Variants in SFXN1 observed in about 807,000 individuals in gnomAD.
The protein encoded by SFXN1 is sideroflexin 1, also known as sideroflexin-1.
SFXN1 carries 32 observed loss-of-function variants against 39.5 expected under a neutral mutation model. The observed-to-expected ratio is 0.81, with a 90% confidence interval of 0.61 to 1.09. The LOEUF (loss-of-function observed/expected upper bound fraction) is 1.09, where lower values mean the gene tolerates loss of function less well. SFXN1 is among the 50% of genes least tolerant of loss of function. The pLI is 0.00. For missense variants in SFXN1, 402 were observed against 407.1 expected (o/e 0.99, Z 0.11); for synonymous variants, 136 against 146.5 (o/e 0.93, Z 0.52).
intron 1 of SFXN1, among the ~76,000 whole-genome samples, chr5:175,488,459 C>T (rs1380598824): frequency 3.9e-5 from 6 of 152,264 alleles, no homozygotes; most frequent in Admixed American, 3.3e-4. Context: ...TGCACCACCA[C>T]GCCTGACTAA....
rs1759420330 is a variant in SFXN1, at chr5:175,485,584, A to G, written c.-9-6511A>G. On this transcript the variant is annotated intron_variant, in intron 1 of 10. Coordinates refer to ENST00000321442, the MANE Select transcript of SFXN1 (RefSeq NM_022754.7). ...TCAAGATCCTTAACTTAATCATATCAGCAAAGTCCCTGCACCATGTGAGGT... is the reference window on the plus strand; with the variant it reads ...TCAAGATCCTTAACTTAATCATATCGGCAAAGTCCCTGCACCATGTGAGGT... Among the ~76,000 whole-genome samples, 3 of 152,242 alleles carry G rather than the reference A, an allele frequency of 2.0e-5. No homozygotes were observed. The South Asian group carries it at 6.2e-4, about 31-fold the overall frequency.
chr5:175,488,550 C>T (rs531146550), intron 1 of SFXN1, among the ~76,000 whole-genome samples: 375 of 152,268 alleles, frequency 2.5e-3, no homozygotes, highest in Non-Finnish European at 3.9e-3. Flanking sequence ...CCGCCCGCCT[C>T]GGCCTTCCAA....
At chr5:175,507,404 GAA>G (rs1288516615) in intron 2 of SFXN1, among the ~76,000 whole-genome samples, 2 of 152,208 alleles carry the variant, frequency 1.3e-5, no homozygotes, top group Non-Finnish European at 2.9e-5. Flanking sequence ...AAGACAGAGA[GAA>G]ATGTTTACAG....
chr5:175,484,750 G>A (rs1019083519), intron 1 of SFXN1, among the ~76,000 whole-genome samples: 2 of 152,200 alleles, frequency 1.3e-5, no homozygotes, highest in Non-Finnish European at 2.9e-5. Flanking sequence ...TTTTAGAGAC[G>A]GGTTTTACTA....
chr5:175,507,473 A>C (rs79223948), intron 2 of SFXN1, among the ~76,000 whole-genome samples: 10,190 of 152,298 alleles, frequency 0.067, 463 homozygotes, highest in Admixed American at 0.11. Context: ...TGATGCCTTT[A>C]AGTAAACACA....
chr5:175,512,753 CAGT>C, intron 6 of SFXN1, among the ~76,000 whole-genome samples: 1 of 152,192 alleles, frequency 6.6e-6, no homozygotes, highest in East Asian at 1.9e-4. Flanking sequence ...AATAAATATA[CAGT>C]AGGGCCATGT....
chr5:175,487,608 T>C (rs1759498792), intron 1 of SFXN1, among the ~76,000 whole-genome samples: 1 of 152,170 alleles, frequency 6.6e-6, no homozygotes. Flanking sequence ...AGTCCTTGGA[T>C]CTCTTTATTT....
chr5:175,511,594 T>C, intron 5 of SFXN1, 68 bp downstream of exon 5: 1 of 1,241,482 alleles, frequency 8.1e-7, no homozygotes, highest in East Asian at 2.3e-5. Flanking sequence ...TCTAAATCCC[T>C]CTATTATTTC....
chr5:175,516,634 A>G lies in SFXN1; in HGVS notation c.745A>G (p.Asn249Asp). 1 of 1,613,342 alleles carries G rather than the reference A, an allele frequency of 6.2e-7. No individual in the cohort carries two copies. The highest frequency in any genetic ancestry group is 8.5e-7 in the Non-Finnish European group (1 of 1,179,740). Residue 249 changes from asparagine to aspartate, a missense_variant, in exon 8 of 11, where the codon AAC (asparagine) becomes GAC (aspartate). Physicochemically the swap from Asn to Asp is conservative, Grantham distance 23. Coordinates refer to ENST00000321442, the MANE Select transcript of SFXN1 (RefSeq NM_022754.7). ...TCCAGCCATCCCTCCATTCATTATGAACACTTTGGAAAAGAAAGCCTTTTT... is the reference window on the plus strand; with the variant it reads ...TCCAGCCATCCCTCCATTCATTATGGACACTTTGGAAAAGAAAGCCTTTTT... The part of the protein sequence containing the change: ...PGMAIPPFIM[N>D]TLEKKAFLKR...
At chr5:175,479,876 CTTT>C (rs987432801) in intron 1 of SFXN1, among the ~76,000 whole-genome samples, 1 of 152,212 alleles carries the variant, frequency 6.6e-6, no homozygotes, top group African/African-American at 2.4e-5. Flanking sequence ...ATTCTCCCTT[CTTT>C]GTCCATCCCC....
At chr5:175,512,019 C>G in intron 5 of SFXN1, 92 bp from the exon 6 acceptor site, 1 of 1,190,560 alleles carries the variant, frequency 8.4e-7, no homozygotes, top group Non-Finnish European at 1.2e-6. Context: ...TGGGACTCTG[C>G]ATTTTTCAGA....
At chr5:175,500,673 A>C in intron 2 of SFXN1, among the ~76,000 whole-genome samples, 1 of 152,192 alleles carries the variant, frequency 6.6e-6, no homozygotes, top group South Asian at 2.1e-4. Context: ...TATTGGAAAC[A>C]ATTTTGAAAA....
rs368939731 is a variant in SFXN1, at chr5:175,494,863, T to A, written c.164+2596T>A. Among the ~76,000 whole-genome samples the A allele has an allele frequency of 1.5e-4, 23 of 151,050 alleles. 1 individual carries two copies. Among genetic ancestry groups the A allele is most frequent in the Admixed American group, 1.3e-3 (20 of 15,206 alleles). ...TAATACCAAATAGAGTTAAAAAAAA[T>A]AAGCCATAATATAAGGTGATTCCTC... On this transcript the variant is annotated intron_variant, in intron 2 of 10. Coordinates refer to ENST00000321442, the MANE Select transcript of SFXN1 (RefSeq NM_022754.7).
chr5:175,481,316 TTTG>T (rs1236925152), intron 1 of SFXN1, among the ~76,000 whole-genome samples: 1 of 152,118 alleles, frequency 6.6e-6, no homozygotes, highest in East Asian at 1.9e-4. Context: ...GTTTTTGTTT[TTTG>T]TTGTTGTTTG....
intron 4 of SFXN1, among the ~76,000 whole-genome samples, chr5:175,511,247 C>T (rs752872173): frequency 6.6e-6 from 1 of 152,152 alleles, no homozygotes; most frequent in East Asian, 1.9e-4. Flanking sequence ...AGTCAAGATA[C>T]GTGTGAAGAA....
intron 1 of SFXN1, among the ~76,000 whole-genome samples, chr5:175,478,849 C>T (rs1759123372): frequency 6.6e-6 from 1 of 152,038 alleles, no homozygotes; most frequent in Non-Finnish European, 1.5e-5. Context: ...TGGCATCCTG[C>T]GGCCGGACAA....
At chr5:175,486,054 C>T (rs564585059) in intron 1 of SFXN1, among the ~76,000 whole-genome samples, 8 of 152,258 alleles carry the variant, frequency 5.3e-5, no homozygotes, top group South Asian at 2.1e-4. Flanking sequence ...CCTTTTTCCT[C>T]GCCTACAAAG....
chr5:175,519,137 T>G (rs1486680093), intron 8 of SFXN1, among the ~76,000 whole-genome samples: 1 of 152,134 alleles, frequency 6.6e-6, no homozygotes, highest in African/African-American at 2.4e-5. Context: ...GAAACCTAGA[T>G]TAAAACCACA....
chr5:175,500,982 T>C (rs1348982978), intron 2 of SFXN1, among the ~76,000 whole-genome samples: 2 of 151,852 alleles, frequency 1.3e-5, no homozygotes, highest in African/African-American at 4.8e-5. Context: ...AAATGGATAG[T>C]AGACCTAAAT....
Sources: gnomAD v4.1 joint callset for allele counts (sites outside exome capture counted in the v4.1 genomes callset) on GRCh38, gnomAD v4.1.1 for gene constraint, MANE v1.5 for transcripts, NCBI Gene and HGNC (gene_info 2026-07-23, HGNC 2026-07-21) for gene names.